Variants in KCNJ3 observed in about 807,000 individuals in gnomAD.
KCNJ3 encodes G protein-activated inward rectifier potassium channel 1.
In KCNJ3, 4 loss-of-function variants were observed where a neutral mutation model predicts 39.2. The observed-to-expected ratio is 0.10, with a 90% CI of 0.05 to 0.23. The LOEUF is 0.23. Among genes scored for constraint, KCNJ3 ranks in the 10% least tolerant of loss-of-function variants. The pLI, the probability that KCNJ3 is intolerant of heterozygous loss-of-function variation, is 1.00. For missense variants in KCNJ3, 276 were observed against 634.9 expected (o/e 0.43, Z 6.08); for synonymous variants, 230 against 237.4 (o/e 0.97, Z 0.29).
At chr2:154,716,678 A>G (rs1349265355) in intron 2 of KCNJ3, among the ~76,000 whole-genome samples, 1 of 152,212 alleles carries the variant, frequency 6.6e-6, no homozygotes, top group Admixed American at 6.5e-5. Flanking sequence ...GTTTTACTAC[A>G]TCTCTGAATA....
intron 2 of KCNJ3, among the ~76,000 whole-genome samples, chr2:154,826,913 A>G (rs544015610): frequency 6.6e-6 from 1 of 152,274 alleles, no homozygotes; most frequent in African/African-American, 2.4e-5. Flanking sequence ...TTTTGGACTT[A>G]CTAAGTGTGT....
intron 2 of KCNJ3, among the ~76,000 whole-genome samples, chr2:154,730,688 A>G (rs1685434570): frequency 6.6e-6 from 1 of 152,098 alleles, no homozygotes; most frequent in Admixed American, 6.6e-5. Context: ...ATTAAACCCC[A>G]TATAAGGTAT....
chr2:154,737,457 A>G (rs1685567820), intron 2 of KCNJ3, among the ~76,000 whole-genome samples: 1 of 126,358 alleles, frequency 7.9e-6, no homozygotes, highest in South Asian at 2.4e-4. Context: ...AATTTCTGGC[A>G]TCCAATTAAA....
chr2:154,699,766 G>A lies in KCNJ3; in HGVS notation c.702+289G>A, dbSNP rs1405387182. Among the ~76,000 whole-genome samples the A allele has an allele frequency of 6.6e-6, 1 of 152,082 alleles. No individual in the cohort carries two copies. The highest frequency in any genetic ancestry group is 1.5e-5 in the Non-Finnish European group (1 of 68,026). ...GACTGCTGTTGGCTCCTGGAGCCAT[G>A]AGGGCAATTAGTGCCCTGTTCGCCT... On this transcript the variant is annotated intron_variant, in intron 1 of 2. Transcript: ENST00000295101. This position sits in a 1 kb window ranked among gnomAD's most constrained non-coding sequence, Gnocchi z 6.4.
At chr2:154,780,297 A>G (rs1686414772) in intron 2 of KCNJ3, among the ~76,000 whole-genome samples, 1 of 152,170 alleles carries the variant, frequency 6.6e-6, no homozygotes, top group Non-Finnish European at 1.5e-5. Context: ...ATGTGCCTAT[A>G]TTGTGAGAGA....
chr2:154,854,688 C>T, intron 2 of KCNJ3, 39 bp from the exon 3 acceptor site: 1 of 1,483,144 alleles, frequency 6.7e-7, no homozygotes, highest in Non-Finnish European at 9.3e-7. Context: ...TGTGCTTCCA[C>T]TATGCATAAT....
chr2:154,791,501 C>T (rs1336226054), intron 2 of KCNJ3, among the ~76,000 whole-genome samples: 1 of 151,998 alleles, frequency 6.6e-6, no homozygotes, highest in Non-Finnish European at 1.5e-5. Context: ...TCTGAGTTCA[C>T]ACAGTTAGTG....
intron 2 of KCNJ3, among the ~76,000 whole-genome samples, chr2:154,812,347 A>G (rs1255786506): frequency 7.9e-5 from 12 of 152,178 alleles, no homozygotes; most frequent in Admixed American, 5.2e-4. Context: ...CTGCCTTGTC[A>G]TGGTGTGTAG....
At chr2:154,745,532 A>G (rs1423786813) in intron 2 of KCNJ3, among the ~76,000 whole-genome samples, 1 of 151,884 alleles carries the variant, frequency 6.6e-6, no homozygotes, top group Admixed American at 6.6e-5. Context: ...TAAAATTTCC[A>G]TTTGCTTCAT....
chr2:154,705,403 A>G (rs1409119353), intron 1 of KCNJ3, among the ~76,000 whole-genome samples: 1 of 152,148 alleles, frequency 6.6e-6, no homozygotes, highest in African/African-American at 2.4e-5. Flanking sequence ...CCTCTGTAAT[A>G]TGAAGACTGT....
chr2:154,759,173 G>A (rs1201897499), intron 2 of KCNJ3, among the ~76,000 whole-genome samples: 1 of 152,168 alleles, frequency 6.6e-6, no homozygotes, highest in Non-Finnish European at 1.5e-5. Flanking sequence ...TGAAAGCACA[G>A]GATTGTGTAG....
rs578091064 is a variant in KCNJ3 at position 154,831,055 on chromosome 2, T to G, written c.920-23672T>G. Among the ~76,000 whole-genome samples, 13 of 152,294 alleles carry G rather than the reference T, an allele frequency of 8.5e-5. 1 individual carries two copies. In the Middle Eastern group the frequency reaches 0.02, roughly 239 times the overall value. On this transcript the variant is annotated intron_variant, in intron 2 of 2. Transcript: ENST00000295101. ...TGATCTATCTCTGCAGTCACTTGTTTGGCCATTGTCTTTTACTACAGCTTC... is the reference window on the plus strand; with the variant it reads ...TGATCTATCTCTGCAGTCACTTGTTGGGCCATTGTCTTTTACTACAGCTTC...
chr2:154,831,867 A>AAAT (rs1687369556), intron 2 of KCNJ3, among the ~76,000 whole-genome samples: 1 of 152,276 alleles, frequency 6.6e-6, no homozygotes, highest in South Asian at 2.1e-4. Flanking sequence ...ATTATAAATA[A>AAAT]AATAAGTTTA....
intron 2 of KCNJ3, among the ~76,000 whole-genome samples, chr2:154,832,238 G>A (rs944710132): frequency 6.6e-5 from 10 of 151,964 alleles, no homozygotes; most frequent in African/African-American, 1.2e-4. Flanking sequence ...CCAAACCATA[G>A]GAATGGGTTT....
At position 154,750,166 on chromosome 2, in the gene KCNJ3, A is replaced by T. The variant is rs189663326; in HGVS notation, c.919+40347A>T. On this transcript the variant is annotated intron_variant, in intron 2 of 2. Coordinates refer to ENST00000295101, the MANE Select transcript of KCNJ3 (RefSeq NM_002239.4). Reference sequence around the variant, plus strand: ...CAATATTAAAGAATAGATTATGACTATTATGTGCAACATATAAATGAAATA... The same window carrying T: ...CAATATTAAAGAATAGATTATGACTTTTATGTGCAACATATAAATGAAATA... 2.6e-4 allele frequency among the ~76,000 whole-genome samples: 39 copies of T among 152,202 alleles called. No individual in the cohort carries two copies. The East Asian group carries it at 7.1e-3, about 28-fold the overall frequency.
rs567715533 is a variant in KCNJ3 at position 154,857,122 on chromosome 2, A to T, written c.*1809A>T. The T allele has an allele frequency of 1.9e-4, 29 of 152,308 alleles. No homozygotes were observed. The highest frequency in any genetic ancestry group is 7.0e-4 in the African/African-American group (29 of 41,566). The allele number at this position is 152,308 out of a possible 1,614,324, so 9.4% of individuals were successfully genotyped here. A position where few individuals can be genotyped will look rare whatever the true frequency, so the allele number is the denominator to read the frequency against. ...CCAGGGAATTCTTACTGGCAAAATG[A>T]TCAATCTGGAGTGTGCATCCACTGT... On this transcript the variant is annotated 3_prime_UTR_variant, in exon 3 of 3. Coordinates refer to ENST00000295101, the MANE Select transcript of KCNJ3 (RefSeq NM_002239.4).
intron 1 of KCNJ3, among the ~76,000 whole-genome samples, chr2:154,701,516 G>A (rs1478015708): frequency 6.6e-6 from 1 of 152,014 alleles, no homozygotes; most frequent in East Asian, 1.9e-4. Flanking sequence ...TGATTCTGAA[G>A]CACTCAGTCT....
intron 2 of KCNJ3, among the ~76,000 whole-genome samples, chr2:154,811,355 C>T (rs774163425): frequency 4.6e-5 from 7 of 152,156 alleles, no homozygotes; most frequent in African/African-American, 1.7e-4. Flanking sequence ...AATACCTCCT[C>T]AGGAAAGATA....
chr2:154,812,359 A>G (rs1382959435), intron 2 of KCNJ3, among the ~76,000 whole-genome samples: 1 of 152,190 alleles, frequency 6.6e-6, no homozygotes, highest in Non-Finnish European at 1.5e-5. Flanking sequence ...GGTGTGTAGG[A>G]CACAGAATAT....
Sources: gnomAD v4.1 joint callset for allele counts (sites outside exome capture counted in the v4.1 genomes callset) on GRCh38, gnomAD v4.1.1 for gene constraint, Gnocchi (gnomAD v3.1) non-coding constraint, MANE v1.5 for transcripts, NCBI Gene and HGNC (gene_info 2026-07-23, HGNC 2026-07-21) for gene names.